The following CNTN4 variants were observed in gnomAD, a reference collection of about 807,000 sequenced individuals.
The protein encoded by CNTN4 is contactin-4.
CNTN4 carries 77 observed loss-of-function variants against 122.5 expected under a neutral mutation model. The observed-to-expected ratio is 0.63, with a 90% confidence interval of 0.52 to 0.76. The LOEUF (loss-of-function observed/expected upper bound fraction) is 0.76, where lower values mean the gene tolerates loss of function less well. Ranked by LOEUF, CNTN4 falls within the 30% of genes least tolerant of loss-of-function variation. CNTN4 has a pLI of 0.00. For missense variants in CNTN4, 1,256 were observed against 1,259.1 expected (o/e 1.00, Z 0.04); for synonymous variants, 512 against 447.0 (o/e 1.15, Z -1.83).
rs142778492 is a variant in CNTN4 at position 2,771,389 on chromosome 3, G to A, written c.358+25692G>A. On this transcript the variant is annotated intron_variant, in intron 6 of 24. Coordinates refer to ENST00000418658, the MANE Select transcript of CNTN4 (RefSeq NM_175607.3). ...TTGGGTCCCTCATCTCTAATGCAGTGTTGGAAACTGATCAAGCAAGCCACA... is the reference window on the plus strand; with the variant it reads ...TTGGGTCCCTCATCTCTAATGCAGTATTGGAAACTGATCAAGCAAGCCACA... 6.9e-3 allele frequency among the ~76,000 whole-genome samples: 1,049 copies of A among 152,308 alleles called. 4 individuals carry two copies. Among genetic ancestry groups the A allele is most frequent in the Non-Finnish European group, 9.0e-3 (615 of 68,026 alleles).
At chr3:2,494,746 G>A (rs940614670) in intron 3 of CNTN4, among the ~76,000 whole-genome samples, 1 of 152,154 alleles carries the variant, frequency 6.6e-6, no homozygotes, top group Admixed American at 6.5e-5. Context: ...TTCAGAGCCT[G>A]CTGTCTGTTG....
intron 2 of CNTN4, among the ~76,000 whole-genome samples, chr3:2,125,958 A>G (rs1276363608): frequency 6.7e-6 from 1 of 149,784 alleles, no homozygotes; most frequent in Admixed American, 6.7e-5. Context: ...TTTTAATTTT[A>G]AAAACCCTGT....
At chr3:2,837,837 C>T (rs1421833123) in intron 7 of CNTN4, among the ~76,000 whole-genome samples, 1 of 152,154 alleles carries the variant, frequency 6.6e-6, no homozygotes, top group Non-Finnish European at 1.5e-5. Context: ...ATATGTCATG[C>T]TTTAGTTGGT....
rs114395462 is a variant in CNTN4, at chr3:2,429,675, G to A, written c.-89+90442G>A. Among the ~76,000 whole-genome samples, 585 of 152,274 alleles carry A rather than the reference G, an allele frequency of 3.8e-3. 4 individuals are homozygous for A. Among genetic ancestry groups the A allele is most frequent in the African/African-American group, 0.014 (566 of 41,568 alleles). ...CTTTTGTTCAGCTGTGCCATGCCCC[G>A]AAGAGTTGGAGTCTACAGAGGCAGG... On this transcript the variant is annotated intron_variant, in intron 3 of 24. Transcript: ENST00000418658.
chr3:2,125,987 C>T (rs531977150), intron 2 of CNTN4, among the ~76,000 whole-genome samples: 35 of 151,626 alleles, frequency 2.3e-4, no homozygotes, highest in Admixed American at 4.6e-4. Flanking sequence ...GGATATACCT[C>T]GTGATGAGTG....
intron 12 of CNTN4, among the ~76,000 whole-genome samples, chr3:2,925,159 A>G (rs1423760077): frequency 1.3e-5 from 2 of 152,226 alleles, no homozygotes; most frequent in Non-Finnish European, 2.9e-5. Flanking sequence ...AATGCAAATT[A>G]TACCTCAAAG....
At chr3:2,708,598 G>A (rs988263608) in intron 4 of CNTN4, among the ~76,000 whole-genome samples, 1 of 152,158 alleles carries the variant, frequency 6.6e-6, no homozygotes, top group Admixed American at 6.5e-5. Context: ...TAAAACTGTG[G>A]CCTGATGTCC....
intron 3 of CNTN4, among the ~76,000 whole-genome samples, chr3:2,536,822 A>G (rs1403920258): frequency 2.0e-5 from 3 of 152,134 alleles, no homozygotes; most frequent in Non-Finnish European, 4.4e-5. Flanking sequence ...AACATTTGAT[A>G]TTGAGTAGAT....
chr3:2,853,484 C>T (rs9820543), intron 7 of CNTN4, among the ~76,000 whole-genome samples: 1,604 of 152,252 alleles, frequency 0.011, 27 homozygotes, highest in African/African-American at 0.036. Context: ...ACCTTGTGAT[C>T]TGCCCACCTC....
chr3:2,748,951 C>T (rs189974733), intron 6 of CNTN4, among the ~76,000 whole-genome samples: 1 of 152,060 alleles, frequency 6.6e-6, no homozygotes, highest in Admixed American at 6.6e-5. Context: ...CTTTTGTTCC[C>T]TCTGCCTGAT....
At chr3:2,176,043 T>C (rs2149262713) in intron 2 of CNTN4, among the ~76,000 whole-genome samples, 1 of 152,310 alleles carries the variant, frequency 6.6e-6, no homozygotes, top group Admixed American at 6.5e-5. Context: ...CATTTTGTAA[T>C]CTCTTTGGCA....
intron 3 of CNTN4, among the ~76,000 whole-genome samples, chr3:2,467,463 A>G (rs2075544201): frequency 6.6e-6 from 1 of 152,182 alleles, no homozygotes; most frequent in Non-Finnish European, 1.5e-5. Context: ...ACATAATAGC[A>G]AGAGAATGGT....
At chr3:2,617,048 AC>A (rs2081779028) in intron 4 of CNTN4, among the ~76,000 whole-genome samples, 1 of 152,170 alleles carries the variant, frequency 6.6e-6, no homozygotes, top group African/African-American at 2.4e-5. Flanking sequence ...CTGGAAGAAA[AC>A]CTGGGCAATA....
intron 4 of CNTN4, among the ~76,000 whole-genome samples, chr3:2,616,063 A>T (rs574230829): frequency 1.3e-5 from 2 of 151,372 alleles, no homozygotes; most frequent in East Asian, 3.9e-4. Flanking sequence ...ACATGTGCAG[A>T]ATGTGCAGTT....
At position 2,384,761 on chromosome 3, in the gene CNTN4, CGTGT is replaced by C. The variant is rs67019083; in HGVS notation, c.-89+45553_-89+45556del. On this transcript the variant is annotated intron_variant, in intron 3 of 24. Transcript: ENST00000418658. ...TACACCAGTAACAACTCAATGTGTG[CGTGT>C]GTGTGTGTGTGTGTGTGTGTGTGTT... 7.8e-3 allele frequency among the ~76,000 whole-genome samples: 1,150 copies of C among 147,850 alleles called. 4 individuals are homozygous for C. The highest frequency in any genetic ancestry group is 0.021 in the Middle Eastern group (6 of 282).
intron 2 of CNTN4, among the ~76,000 whole-genome samples, chr3:2,124,409 C>G (rs2125232578): frequency 7.1e-6 from 1 of 141,466 alleles, no homozygotes; most frequent in South Asian, 2.6e-4. Flanking sequence ...TTTTAAAAGC[C>G]TTTGTCTGCA....
At chr3:2,895,843 G>A (rs866424183) in intron 10 of CNTN4, among the ~76,000 whole-genome samples, 4 of 152,158 alleles carry the variant, frequency 2.6e-5, no homozygotes, top group South Asian at 2.1e-4. Flanking sequence ...GACCATCCTG[G>A]CTAACAGGGT....
At chr3:2,361,430 C>T (rs550883296) in intron 3 of CNTN4, among the ~76,000 whole-genome samples, 2 of 152,094 alleles carry the variant, frequency 1.3e-5, no homozygotes, top group Non-Finnish European at 2.9e-5. Flanking sequence ...GCTAAGCATC[C>T]CACAATGCAG....
chr3:2,937,891 A>T (rs1303759880), intron 13 of CNTN4, among the ~76,000 whole-genome samples: 1 of 152,190 alleles, frequency 6.6e-6, no homozygotes, highest in Non-Finnish European at 1.5e-5. Flanking sequence ...ATGTACGTGC[A>T]GCAAGTCATG....
Sources: allele counts gnomAD v4.1 joint callset (sites outside exome capture counted in the v4.1 genomes callset), GRCh38; gene constraint gnomAD v4.1.1; transcripts MANE v1.5; gene names NCBI Gene and HGNC (gene_info 2026-07-23, HGNC 2026-07-21).